MEGF8: variants seen among roughly 807,000 people sequenced by gnomAD.
MEGF8 encodes multiple epidermal growth factor-like domains protein 8.
In MEGF8, 156 loss-of-function variants were observed where a neutral mutation model predicts 302.9. The observed-to-expected ratio is 0.52, with a 90% CI of 0.45 to 0.59. The LOEUF (loss-of-function observed/expected upper bound fraction) is 0.59, where lower values mean the gene tolerates loss of function less well. Ranked by LOEUF, MEGF8 falls within the 20% of genes least tolerant of loss-of-function variation. The pLI, the probability that MEGF8 is intolerant of heterozygous loss-of-function variation, is 0.00. For missense variants in MEGF8, 3,345 were observed against 3,964.5 expected, an observed-to-expected ratio of 0.84 and a Z score of 4.20; for synonymous variants, 1,621 against 1,660.5, an observed-to-expected ratio of 0.98 and a Z score of 0.58.
Position 42,344,700 on chromosome 19 carries a change from C to G in MEGF8, c.1964C>G (p.Ser655Ter), listed in dbSNP as rs751800916. The G allele has an allele frequency of 6.2e-7, 1 of 1,603,004 alleles. No homozygotes were observed. The highest frequency in any genetic ancestry group is 1.1e-5 in the South Asian group (1 of 89,406). Residue 655 changes from serine (S) to a stop codon, truncating the protein, a stop_gained, in exon 12 of 42, where the codon TCA (serine) becomes TGA (stop). Coordinates refer to ENST00000251268, the MANE Select transcript of MEGF8 (RefSeq NM_001271938.2). LOFTEE classifies it high-confidence loss of function. This position sits in a 1 kb window ranked among gnomAD's most constrained non-coding sequence, Gnocchi z 4.5. ...EQARCRGEQI[S>*]GTVGWWGPAP... ...GCCCGCTGCCGAGGGGAGCAGATCT[C>G]AGGCACTGTGGGCTGGTGGGGGCCT...
intron 41 of MEGF8, among the ~76,000 whole-genome samples, chr19:42,372,779 T>A (rs2039710290): frequency 6.6e-6 from 1 of 152,058 alleles, no homozygotes; most frequent in Non-Finnish European, 1.5e-5. Flanking sequence ...TTCAAGTGAT[T>A]ATCCTGCCTC....
rs2039671024 is a variant in MEGF8 at position 42,370,559 on chromosome 19, T to C, written c.7006-142T>C. ...AGGGAAGAGGAGCTGGGGCCTGGAC[T>C]CCTGGATCTGAGGGAGGAGGGGGTG... On this transcript the variant is annotated intron_variant, in intron 39 of 41. Transcript: ENST00000251268. 4.4e-6 allele frequency: 4 copies of C among 917,248 alleles called. No homozygotes were observed. In the Admixed American group the frequency reaches 1.2e-4, roughly 27 times the overall value. The allele number at this position is 917,248 out of a possible 1,614,324, so 56.8% of individuals were successfully genotyped here.
rs745364773 is a variant in MEGF8 at position 42,354,725 on chromosome 19, G to T, written c.4144+5G>T. On this transcript the variant is annotated splice_donor_5th_base_variant and intron_variant, in intron 23 of 41. Coordinates refer to ENST00000251268, the MANE Select transcript of MEGF8 (RefSeq NM_001271938.2). This position sits in a 1 kb window ranked among gnomAD's most constrained non-coding sequence, Gnocchi z 4.3. ...TCACTGTTCAGGCCCTGTCTGGTAC[G>T]GGGGCTAGGGGAAGTGGGACCTCTT... 1 of 1,594,360 alleles carries T rather than the reference G, an allele frequency of 6.3e-7. No individual in the cohort carries two copies. Among genetic ancestry groups the T allele is most frequent in the South Asian group, 1.1e-5 (1 of 90,578 alleles).
chr19:42,335,423 C>CTCAA (rs2039113156), intron 5 of MEGF8, 38 bp downstream of exon 5: 1 of 1,596,634 alleles, frequency 6.3e-7, no homozygotes. Context: ...AGCCTTTCCA[C>CTCAA]TCAATCAGAC....
In MEGF8 at chr19:42,326,307, T is replaced by C. The variant is rs771011541; in HGVS notation, c.64T>C (p.Ser22Pro). ...VLALAVLGSL[S>P]PGARAGDCKG... ...GGCCTTGGCCGTGCTGGGGTCGCTG[T>C]CCCCTGGGGCCCGGGCGGGGGACTG... Residue 22 changes from serine to proline, a missense_variant, in exon 1 of 42, where the codon TCC becomes CCC. Physicochemically the swap from Ser to Pro is moderately conservative, Grantham distance 74 (BLOSUM62 -1). Coordinates refer to ENST00000251268, the MANE Select transcript of MEGF8 (RefSeq NM_001271938.2). The C allele has an allele frequency of 6.4e-7, 1 of 1,560,330 alleles. No individual in the cohort carries two copies. Among genetic ancestry groups the C allele is most frequent in the Admixed American group, 2.1e-5 (1 of 46,516 alleles).
At chr19:42,373,479 C>T (rs1391074440) in intron 41 of MEGF8, among the ~76,000 whole-genome samples, 1 of 152,084 alleles carries the variant, frequency 6.6e-6, no homozygotes, top group Non-Finnish European at 1.5e-5. Context: ...CAGCTCATTG[C>T]AACCTCTGCC....
At chr19:42,327,687 A>G (rs910059853) in intron 1 of MEGF8, among the ~76,000 whole-genome samples, 3 of 152,246 alleles carry the variant, frequency 2.0e-5, no homozygotes, top group African/African-American at 7.2e-5. Context: ...TATAGCTGAG[A>G]TCAGAGGCAT....
intron 1 of MEGF8, 105 bp downstream of exon 1, chr19:42,326,535 T>C (rs2147434263): frequency 7.0e-7 from 1 of 1,430,810 alleles, no homozygotes; most frequent in South Asian, 1.5e-5. Context: ...TCCAGGCCTT[T>C]TGCTCTAAAA....
chr19:42,373,457 GTGGTGCAATCTCAGCT>G (rs2039720418), intron 41 of MEGF8, among the ~76,000 whole-genome samples: 2 of 151,430 alleles, frequency 1.3e-5, no homozygotes, highest in Admixed American at 6.6e-5. Context: ...CTAGAGTGCA[GTGGTGCAATCTCAGCT>G]CATTGCAACC....
In MEGF8 at chr19:42,357,627, C is replaced by T. The variant is rs542414536; in HGVS notation, c.5011+43C>T. On this transcript the variant is annotated intron_variant, in intron 28 of 41. Coordinates refer to ENST00000251268, the MANE Select transcript of MEGF8 (RefSeq NM_001271938.2). This position sits in a 1 kb window ranked among gnomAD's most constrained non-coding sequence, Gnocchi z 5.2. ...GAGGGGACAGCCCCCGTGGACCTCC[C>T]GGGCATCTGGGCTTCCTGTGGGCTC... The T allele has an allele frequency of 9.8e-6, 15 of 1,528,074 alleles. No individual in the cohort carries two copies. In the Admixed American group the frequency reaches 1.2e-4, roughly 12 times the overall value. The allele number at this position is 1,528,074 out of a possible 1,614,324, so 94.7% of individuals were successfully genotyped here.
Position 42,368,366 on chromosome 19 carries a change from G to A in MEGF8, c.6274-89G>A. The A allele has an allele frequency of 8.5e-7, 1 of 1,181,114 alleles. No homozygotes were observed. The highest frequency in any genetic ancestry group is 1.2e-6 in the Non-Finnish European group (1 of 839,608). The allele number at this position is 1,181,114 out of a possible 1,614,324, so 73.2% of individuals were successfully genotyped here. On this transcript the variant is annotated intron_variant, in intron 35 of 41. Coordinates refer to ENST00000251268, the MANE Select transcript of MEGF8 (RefSeq NM_001271938.2). The surrounding 1 kb of genome is among the most constrained non-coding windows in gnomAD (Gnocchi z 4.9). ...AGGGGTGAGACCTCAAAGAGGGTGTGGTCTGGGAAGATACCCAGAATGTGT... is the reference window on the plus strand; with the variant it reads ...AGGGGTGAGACCTCAAAGAGGGTGTAGTCTGGGAAGATACCCAGAATGTGT...
At chr19:42,349,003 T>C (rs1218221942) in intron 13 of MEGF8, among the ~76,000 whole-genome samples, 5 of 152,046 alleles carry the variant, frequency 3.3e-5, no homozygotes, top group African/African-American at 1.2e-4. Flanking sequence ...GAGTCAGACT[T>C]GAAAGGCCCC....
chr19:42,376,860 G>A lies in MEGF8; in HGVS notation c.*85G>A. On this transcript the variant is annotated 3_prime_UTR_variant, in exon 42 of 42. Transcript: ENST00000251268. The surrounding 1 kb of genome is among the most constrained non-coding windows in gnomAD (Gnocchi z 8.2). ...GGGTCCCTCCACCTGGGGGCCCCTG[G>A]ACACTGTCTACTTGGAGACCACTGG... 1 of 1,380,054 alleles carries A rather than the reference G, an allele frequency of 7.2e-7. No individual in the cohort carries two copies. The allele number at this position is 1,380,054 out of a possible 1,614,324, so 85.5% of individuals were successfully genotyped here. A position where few individuals can be genotyped will look rare whatever the true frequency, so the allele number is the denominator to read the frequency against.
chr19:42,349,349 C>T (rs2039335734), intron 13 of MEGF8, 150 bp from the exon 14 acceptor site: 5 of 566,396 alleles, frequency 8.8e-6, no homozygotes, highest in East Asian at 3.0e-5. Context: ...CCCTGGGGGT[C>T]TCACCTCTGA....
Position 42,344,092 on chromosome 19 carries a change from C to G in MEGF8, c.1788+19C>G. 3 of 1,611,318 alleles carry G rather than the reference C, an allele frequency of 1.9e-6. No individual in the cohort carries two copies. Among genetic ancestry groups the G allele is most frequent in the Non-Finnish European group, 2.5e-6 (3 of 1,179,090 alleles). Reference sequence around the variant, plus strand: ...GGGGGCTGTGAGTGACAGCCCTAGACCCTCTGTTCCCTAGCATAGAGACCT... The same window carrying G: ...GGGGGCTGTGAGTGACAGCCCTAGAGCCTCTGTTCCCTAGCATAGAGACCT... On this transcript the variant is annotated intron_variant, in intron 10 of 41. Transcript: ENST00000251268. This position sits in a 1 kb window ranked among gnomAD's most constrained non-coding sequence, Gnocchi z 4.5.
rs1055931611 is a variant in MEGF8 at position 42,377,452 on chromosome 19, T to C, written c.*677T>C. On this transcript the variant is annotated 3_prime_UTR_variant, in exon 42 of 42. Coordinates refer to ENST00000251268, the MANE Select transcript of MEGF8 (RefSeq NM_001271938.2). ...CTCAGGGCAATGGGAAGCTGTTGGA[T>C]GGTTTGATGAAGGGGAGTGACAGGA... 6.6e-6 allele frequency: 1 copy of C among 152,528 alleles called. No homozygotes were observed. The highest frequency in any genetic ancestry group is 2.4e-5 in the African/African-American group (1 of 41,370). The allele number at this position is 152,528 out of a possible 1,614,324, so 9.4% of individuals were successfully genotyped here.
chr19:42,328,805 G>A (rs897164845), intron 1 of MEGF8, among the ~76,000 whole-genome samples: 4 of 151,828 alleles, frequency 2.6e-5, no homozygotes, highest in South Asian at 4.2e-4. Context: ...GCGTGGTGGC[G>A]CACATCTGTG....
intron 8 of MEGF8, among the ~76,000 whole-genome samples, chr19:42,341,212 G>A (rs940954373): frequency 2.0e-5 from 3 of 151,914 alleles, no homozygotes; most frequent in Admixed American, 1.3e-4. Context: ...CGGGAAAATC[G>A]TGAGGTCAGG....
chr19:42,355,744 C>A lies in MEGF8; in HGVS notation c.4145-14C>A. 1 of 1,557,820 alleles carries A rather than the reference C, an allele frequency of 6.4e-7. No individual in the cohort carries two copies. Among genetic ancestry groups the A allele is most frequent in the Admixed American group, 1.9e-5 (1 of 53,778 alleles). On this transcript the variant is annotated splice_polypyrimidine_tract_variant and intron_variant, in intron 23 of 41. Coordinates refer to ENST00000251268, the MANE Select transcript of MEGF8 (RefSeq NM_001271938.2). ...CGTGACTTTGCTACCAGCCTCTGGC[C>A]TCTCTCTTCACAGGGCTGCTCGTGC... is the stretch of plus-strand genomic sequence containing the variant.
Sources: allele counts gnomAD v4.1 joint callset (sites outside exome capture counted in the v4.1 genomes callset), GRCh38; gene constraint gnomAD v4.1.1; non-coding constraint Gnocchi (gnomAD v3.1); transcripts MANE v1.5; gene names NCBI Gene and HGNC (gene_info 2026-07-23, HGNC 2026-07-21).